Variants in CTNND2 observed in about 807,000 individuals in gnomAD.
The protein encoded by CTNND2 is catenin delta-2.
Under a neutral mutation model 144.4 loss-of-function variants are expected in CTNND2, and 22 were observed. The ratio of observed to expected loss-of-function variants is 0.15; its 90% confidence interval spans 0.11 to 0.22. CTNND2 has a LOEUF of 0.22. Ranked by LOEUF, CTNND2 falls within the 10% of genes least tolerant of loss-of-function variation. CTNND2 has a pLI of 1.00. For synonymous variants in CTNND2, 751 were observed against 695.6 expected, an observed-to-expected ratio of 1.08 and a Z score of -1.25; for missense variants, 1,353 against 1,618.8, an observed-to-expected ratio of 0.84 and a Z score of 2.82.
At chr5:11,210,071 G>T (rs1439985245) in intron 10 of CTNND2, among the ~76,000 whole-genome samples, 2 of 152,086 alleles carry the variant, frequency 1.3e-5, no homozygotes, top group African/African-American at 4.8e-5. Context: ...ATACAATAAG[G>T]ATAGAGTGTG....
intron 2 of CTNND2, among the ~76,000 whole-genome samples, chr5:11,591,841 GTTTATTAC>G (rs1779258143): frequency 2.0e-5 from 3 of 152,058 alleles, no homozygotes; most frequent in Non-Finnish European, 4.4e-5. Context: ...AAACATTCCA[GTTTATTAC>G]TTATTTTTGA....
rs375134481 is a variant in CTNND2, at chr5:10,979,830, T to C, written c.3417+1943A>G. On this transcript the variant is annotated intron_variant, in intron 21 of 21. Transcript: ENST00000304623. ...AAGATTCCCTATTTAATAAATGTTG[T>C]TGGGAAAACTAGCTAGCCATATGCA... 4.6e-5 allele frequency among the ~76,000 whole-genome samples: 7 copies of C among 152,248 alleles called. No individual in the cohort carries two copies. The East Asian group carries it at 7.7e-4, about 17-fold the overall frequency.
At chr5:11,412,472 A>G (rs1761620363) in intron 3 of CTNND2, among the ~76,000 whole-genome samples, 1 of 152,042 alleles carries the variant, frequency 6.6e-6, no homozygotes, top group Non-Finnish European at 1.5e-5. Context: ...TTTATTAGAG[A>G]GATGAAATAA....
chr5:11,310,101 G>A (rs1381497766), intron 9 of CTNND2, among the ~76,000 whole-genome samples: 3 of 152,062 alleles, frequency 2.0e-5, no homozygotes, highest in Admixed American at 1.3e-4. Flanking sequence ...TGACAGAATG[G>A]ACTAATATAC....
chr5:11,554,392 T>A (rs1471995984), intron 3 of CTNND2, among the ~76,000 whole-genome samples: 1 of 152,158 alleles, frequency 6.6e-6, no homozygotes, highest in Non-Finnish European at 1.5e-5. Flanking sequence ...AGATACTGTG[T>A]TAGACAGAAG....
At chr5:11,412,352 T>C (rs1761611013) in intron 3 of CTNND2, among the ~76,000 whole-genome samples, 1 of 152,168 alleles carries the variant, frequency 6.6e-6, no homozygotes, top group African/African-American at 2.4e-5. Flanking sequence ...TTAGACTCAT[T>C]CTTTACAATA....
At chr5:11,233,336 T>C (rs1360147090) in intron 10 of CTNND2, among the ~76,000 whole-genome samples, 2 of 152,190 alleles carry the variant, frequency 1.3e-5, no homozygotes, top group Non-Finnish European at 2.9e-5. Flanking sequence ...ATGAAAACCG[T>C]ACAAATCACA....
At chr5:11,269,394 A>G (rs1285299553) in intron 9 of CTNND2, among the ~76,000 whole-genome samples, 1 of 152,226 alleles carries the variant, frequency 6.6e-6, no homozygotes, top group Non-Finnish European at 1.5e-5. Flanking sequence ...TAGAAATGCT[A>G]GAAAATAGTT....
chr5:11,130,265 C>T (rs892959648), intron 12 of CTNND2, among the ~76,000 whole-genome samples: 2 of 152,088 alleles, frequency 1.3e-5, no homozygotes, highest in Admixed American at 6.6e-5. Flanking sequence ...CCACACCCCC[C>T]CCATCCACCC....
chr5:11,572,256 C>T (rs1204743651), intron 2 of CTNND2, among the ~76,000 whole-genome samples: 1 of 152,100 alleles, frequency 6.6e-6, no homozygotes, highest in Non-Finnish European at 1.5e-5. Context: ...CTAAGCATAA[C>T]CATATCCTAC....
intron 7 of CTNND2, among the ~76,000 whole-genome samples, chr5:11,370,654 C>A (rs1270942314): frequency 1.3e-5 from 2 of 152,144 alleles, no homozygotes; most frequent in Admixed American, 1.3e-4. Context: ...TGCAAATTCA[C>A]CTGCCTTTAC....
At chr5:11,652,904 C>T (rs1343015522) in intron 2 of CTNND2, among the ~76,000 whole-genome samples, 2 of 152,128 alleles carry the variant, frequency 1.3e-5, no homozygotes, top group East Asian at 1.9e-4. Flanking sequence ...TAGCAATCAT[C>T]TTTCTACTCT....
intron 11 of CTNND2, among the ~76,000 whole-genome samples, chr5:11,187,837 C>A (rs1419390620): frequency 1.3e-5 from 2 of 152,156 alleles, no homozygotes; most frequent in African/African-American, 4.8e-5. Flanking sequence ...ATGCAGCCAA[C>A]AAACCTATGA....
At position 10,983,581 on chromosome 5, in the gene CTNND2, AC is replaced by A. The variant is rs530753872; in HGVS notation, c.3344-1736del. ...GAAAGTCCATTTTTCCATTTTAAAG[AC>A]CATTCTGTTATCCTCTCTGGTTGAA... On this transcript the variant is annotated intron_variant, in intron 20 of 21. Coordinates refer to ENST00000304623, the MANE Select transcript of CTNND2 (RefSeq NM_001332.4). 2.1e-3 allele frequency among the ~76,000 whole-genome samples: 325 copies of A among 152,238 alleles called. 2 individuals carry two copies. Among genetic ancestry groups the A allele is most frequent in the African/African-American group, 7.4e-3 (309 of 41,546 alleles).
chr5:11,623,800 GTGTGTATGTATATATATATATATA>G lies in CTNND2; in HGVS notation c.175-58768_175-58745del, dbSNP rs1340411209. 9.2e-4 allele frequency among the ~76,000 whole-genome samples: 79 copies of G among 85,632 alleles called. 1 individual carries two copies. Among genetic ancestry groups the G allele is most frequent in the African/African-American group, 3.6e-3 (62 of 17,048 alleles). The allele number at this position is 85,632 out of a possible 152,430, so 56.2% of individuals were successfully genotyped here. On this transcript the variant is annotated intron_variant, in intron 2 of 21. Transcript: ENST00000304623. The stretch of plus-strand genomic sequence containing the variant: ...ACCTAACTATCGTAAATATATATAT[GTGTGTATGTATATATATATATATA>G]TATATATATATATATATATATATAT...
At chr5:11,842,677 C>A (rs1196880111) in intron 1 of CTNND2, among the ~76,000 whole-genome samples, 1 of 151,080 alleles carries the variant, frequency 6.6e-6, no homozygotes, top group Non-Finnish European at 1.5e-5. Context: ...GGAGATGGTG[C>A]CACTGCACTC....
chr5:11,665,891 C>A (rs1456088644), intron 2 of CTNND2, among the ~76,000 whole-genome samples: 2 of 152,018 alleles, frequency 1.3e-5, no homozygotes, highest in African/African-American at 4.8e-5. Flanking sequence ...GATATGACAG[C>A]AGAAATATGT....
At chr5:11,129,225 A>ATATATATTATATATTATATATT (rs1561353386) in intron 12 of CTNND2, among the ~76,000 whole-genome samples, 2 of 22,372 alleles carry the variant, frequency 8.9e-5, no homozygotes, top group African/African-American at 2.5e-4. Context: ...ATTATATATA[A>ATATATATTATATATTATATATT]ATATATATTA....
chr5:11,759,863 A>G (rs1051943067), intron 1 of CTNND2, among the ~76,000 whole-genome samples: 1 of 152,056 alleles, frequency 6.6e-6, no homozygotes, highest in Non-Finnish European at 1.5e-5. Context: ...AACCTCCCCA[A>G]GGTGGCAAAG....
Sources: allele counts gnomAD v4.1 joint callset (sites outside exome capture counted in the v4.1 genomes callset), GRCh38; gene constraint gnomAD v4.1.1; transcripts MANE v1.5; gene names NCBI Gene and HGNC (gene_info 2026-07-23, HGNC 2026-07-21).